The following TMTC1 variants were observed in gnomAD, a reference collection of about 807,000 sequenced individuals.
The protein encoded by TMTC1 is protein O-mannosyl-transferase TMTC1.
In TMTC1, 73 loss-of-function variants were observed where a neutral mutation model predicts 104.8. The ratio of observed to expected loss-of-function variants is 0.70; its 90% CI spans 0.58 to 0.85. The LOEUF (loss-of-function observed/expected upper bound fraction) is 0.85. TMTC1 is among the 40% of genes least tolerant of loss of function. TMTC1 has a pLI of 0.00. For missense variants in TMTC1, 1,035 were observed against 1,096.1 expected (o/e 0.94, Z 0.79); for synonymous variants, 434 against 428.7 (o/e 1.01, Z -0.15).
At chr12:29,677,394 A>C (rs1182794189) in intron 5 of TMTC1, among the ~76,000 whole-genome samples, 2 of 152,208 alleles carry the variant, frequency 1.3e-5, no homozygotes, top group Non-Finnish European at 2.9e-5. Flanking sequence ...GTGCCATAAA[A>C]TATGCATAGA....
At chr12:29,678,007 G>C (rs767854379) in intron 5 of TMTC1, among the ~76,000 whole-genome samples, 3 of 152,162 alleles carry the variant, frequency 2.0e-5, no homozygotes, top group Non-Finnish European at 2.9e-5. Flanking sequence ...ATGGTTTCCG[G>C]CATTCACTGG....
chr12:29,734,747 G>A (rs1039125811), intron 5 of TMTC1, among the ~76,000 whole-genome samples: 3 of 152,152 alleles, frequency 2.0e-5, no homozygotes, highest in African/African-American at 4.8e-5. Flanking sequence ...GTTATTTAGA[G>A]TTTTTATTTT....
chr12:29,536,156 A>G (rs773576968), intron 11 of TMTC1, 53 bp downstream of exon 11: 7 of 1,157,992 alleles, frequency 6.0e-6, no homozygotes, highest in Non-Finnish European at 9.1e-6. Flanking sequence ...GTGTAACATT[A>G]ATTTATACAT....
chr12:29,678,336 C>A (rs1333363269), intron 5 of TMTC1, among the ~76,000 whole-genome samples: 4 of 152,168 alleles, frequency 2.6e-5, no homozygotes, highest in Non-Finnish European at 4.4e-5. Flanking sequence ...GCTTTGCTTA[C>A]AGTTAGAGAT....
intron 10 of TMTC1, among the ~76,000 whole-genome samples, chr12:29,553,709 A>T (rs942440828): frequency 2.0e-5 from 3 of 152,234 alleles, no homozygotes; most frequent in African/African-American, 7.2e-5. Context: ...GTTACCCAAT[A>T]ACTCCTCTTA....
At chr12:29,660,050 C>G in intron 5 of TMTC1, 1 of 1,246,724 alleles carries the variant, frequency 8.0e-7, no homozygotes, top group Non-Finnish European at 1.1e-6. Flanking sequence ...CAGGTGCATT[C>G]TGTTCCTCTA....
intron 6 of TMTC1, among the ~76,000 whole-genome samples, chr12:29,615,494 T>C (rs147853602): frequency 1.0e-3 from 154 of 152,264 alleles, no homozygotes; most frequent in African/African-American, 3.5e-3. Flanking sequence ...TAGAGAGATA[T>C]ATATGGTGCT....
chr12:29,710,567 T>C (rs1941873904), intron 5 of TMTC1, among the ~76,000 whole-genome samples: 1 of 145,228 alleles, frequency 6.9e-6, no homozygotes, highest in Admixed American at 7.0e-5. Context: ...TAAAATATTG[T>C]ATATAATGTA....
rs567788848 is a variant in TMTC1 at position 29,721,198 on chromosome 12, T to C, written c.938+30468A>G. ...AGGTATGTGTATGCATGTGTGTGTG[T>C]TGAGAGAGAGAGATTTACAAAAACA... On this transcript the variant is annotated intron_variant, in intron 5 of 17. Transcript: ENST00000539277. Among the ~76,000 whole-genome samples the C allele has an allele frequency of 2.4e-4, 37 of 152,254 alleles. No homozygotes were observed. In the South Asian group the frequency reaches 7.1e-3, roughly 29 times the overall value.
intron 1 of TMTC1, among the ~76,000 whole-genome samples, chr12:29,773,724 C>T (rs576384514): frequency 3.9e-5 from 6 of 152,244 alleles, no homozygotes; most frequent in Non-Finnish European, 7.4e-5. Context: ...CACCAATGAT[C>T]GCTGCAGGTC....
chr12:29,549,568 G>C (rs902271448), intron 10 of TMTC1, among the ~76,000 whole-genome samples: 60 of 152,004 alleles, frequency 3.9e-4, no homozygotes, highest in African/African-American at 1.4e-3. Context: ...ACAAACACAG[G>C]TATAAACACT....
intron 2 of TMTC1, among the ~76,000 whole-genome samples, chr12:29,760,860 T>C (rs1487247234): frequency 6.7e-6 from 1 of 148,980 alleles, no homozygotes; most frequent in Non-Finnish European, 1.5e-5. Context: ...TAATACTGTA[T>C]TTATTATATA....
chr12:29,691,227 C>A (rs1000453580), intron 5 of TMTC1, among the ~76,000 whole-genome samples: 6 of 152,152 alleles, frequency 3.9e-5, no homozygotes, highest in Non-Finnish European at 8.8e-5. Context: ...AGATATTTTG[C>A]ACTTGATGCA....
rs762194565 is a variant in TMTC1 at position 29,503,292 on chromosome 12, C to A, written c.*3554G>T. The A allele has an allele frequency of 6.6e-5, 10 of 152,296 alleles. No homozygotes were observed. The highest frequency in any genetic ancestry group is 1.2e-4 in the Non-Finnish European group (8 of 68,016). The allele number at this position is 152,296 out of a possible 1,614,324, so 9.4% of individuals were successfully genotyped here. ...CTCAGGATTCTCTATAATACAATTTCTTTTCCTCCAAGGCATTTGCATCTT... is the reference window on the plus strand; with the variant it reads ...CTCAGGATTCTCTATAATACAATTTATTTTCCTCCAAGGCATTTGCATCTT... On this transcript the variant is annotated 3_prime_UTR_variant, in exon 18 of 18. Transcript: ENST00000539277.
chr12:29,662,195 T>C (rs1355566884), intron 5 of TMTC1, among the ~76,000 whole-genome samples: 1 of 152,202 alleles, frequency 6.6e-6, no homozygotes, highest in Non-Finnish European at 1.5e-5. Context: ...TTTCTCCTTT[T>C]TAAATCCAAT....
intron 6 of TMTC1, among the ~76,000 whole-genome samples, chr12:29,619,344 T>G (rs1368476538): frequency 6.6e-6 from 1 of 152,210 alleles, no homozygotes; most frequent in Non-Finnish European, 1.5e-5. Flanking sequence ...CAGGTACAAC[T>G]GAATGGTATA....
rs66652706 is a variant in TMTC1 at position 29,668,454 on chromosome 12, CTTTTTTTT to C, written c.939-35126_939-35119del. ...CCACATTCAAACCATACCAACTTATCTTTTTTTTTTTTTTTTTTTTTTTTGAGATGGAG... is the reference window on the plus strand; with the variant it reads ...CCACATTCAAACCATACCAACTTATCTTTTTTTTTTTTTTTTGAGATGGAG... On this transcript the variant is annotated intron_variant, in intron 5 of 17. Transcript: ENST00000539277. Among the ~76,000 whole-genome samples, 432 of 90,104 alleles carry C rather than the reference CTTTTTTTT, an allele frequency of 4.8e-3. 3 individuals are homozygous for C. Among genetic ancestry groups the C allele is most frequent in the African/African-American group, 0.019 (420 of 22,058 alleles). 59.1% of individuals were successfully genotyped at this position (90,104 alleles called of 152,430 possible).
intron 5 of TMTC1, among the ~76,000 whole-genome samples, chr12:29,730,408 A>G (rs1393238028): frequency 6.6e-6 from 1 of 152,218 alleles, no homozygotes; most frequent in Non-Finnish European, 1.5e-5. Flanking sequence ...TGTGTCACTT[A>G]AAATTCTGAG....
rs200129095 is a variant in TMTC1, at chr12:29,629,218, G to C, written c.1128+3929C>G. 9.6e-4 allele frequency among the ~76,000 whole-genome samples: 146 copies of C among 152,030 alleles called. 3 individuals are homozygous for C. In the East Asian group the frequency reaches 0.014, roughly 15 times the overall value. On this transcript the variant is annotated intron_variant, in intron 6 of 17. Transcript: ENST00000539277. ...CGCCTGTAGTCCCTGCTACACGGGA[G>C]GCTGAGGCAAGAGAATGGCGTGAAC... is the stretch of plus-strand genomic sequence containing the variant.
Sources: gnomAD v4.1 joint callset for allele counts (sites outside exome capture counted in the v4.1 genomes callset) on GRCh38, gnomAD v4.1.1 for gene constraint, MANE v1.5 for transcripts, NCBI Gene and HGNC (gene_info 2026-07-23, HGNC 2026-07-21) for gene names.